Variants in ATP11C observed in about 807,000 individuals in gnomAD.
ATP11C encodes ATPase phospholipid transporting 11C (ATP11C blood group).
A neutral mutation model predicts 97.4 loss-of-function variants in ATP11C; 36 were observed. The ratio of observed to expected loss-of-function variants is 0.37; its 90% CI spans 0.28 to 0.49. The LOEUF (loss-of-function observed/expected upper bound fraction) is 0.49, where lower values mean the gene tolerates loss of function less well. ATP11C is among the 20% of genes least tolerant of loss of function. ATP11C has a pLI of 0.98. For missense variants in ATP11C, 730 were observed against 824.6 expected (o/e 0.89, Z 1.40); for synonymous variants, 275 against 290.9 (o/e 0.95, Z 0.56).
chrX:139,869,522 C>T (rs1375074159), intron 1 of ATP11C, among the ~76,000 whole-genome samples: 2 of 107,293 alleles, frequency 1.9e-5, no homozygotes, highest in Non-Finnish European at 3.8e-5. Flanking sequence ...CGGTGGCTCA[C>T]GCCTGTAATC....
chrX:139,846,459 T>G, intron 1 of ATP11C, among the ~76,000 whole-genome samples: 1 of 112,015 alleles, frequency 8.9e-6, no homozygotes, highest in East Asian at 2.8e-4. Flanking sequence ...TCCATAGCAT[T>G]AAGTATGCAA....
At chrX:139,914,172 A>G (rs2085120692) in intron 1 of ATP11C, among the ~76,000 whole-genome samples, 1 of 112,165 alleles carries the variant, frequency 8.9e-6, no homozygotes, top group Non-Finnish European at 1.9e-5. Context: ...CTGGAATTCC[A>G]TATTTCTGAA....
chrX:139,766,242 A>T (rs1389532801), intron 20 of ATP11C, among the ~76,000 whole-genome samples: 2 of 111,935 alleles, frequency 1.8e-5, no homozygotes, highest in African/African-American at 6.5e-5. Context: ...GACAGAAATA[A>T]AACAGAATGA....
chrX:139,926,838 G>A (rs1303763509), intron 1 of ATP11C, among the ~76,000 whole-genome samples: 1 of 112,471 alleles, frequency 8.9e-6, no homozygotes, highest in African/African-American at 3.2e-5. Flanking sequence ...TTTCACTTGT[G>A]TAAAGATTTA....
chrX:139,797,257 T>C lies in ATP11C; in HGVS notation c.927A>G (p.Leu309=), dbSNP rs770512005. The C allele has an allele frequency of 2.1e-4, 252 of 1,190,356 alleles. No individual in the cohort carries two copies. Among genetic ancestry groups the C allele is most frequent in the Non-Finnish European group, 2.8e-4 (243 of 879,420 alleles). The change falls in exon 11 of 30, where the codon CTA becomes CTG. Residue 309 remains leucine, a synonymous_variant. Transcript: ENST00000682941. ...ATGGGGTACTTTGCCAAACATACTT[T>C]AGAGTAGTGCATACTGCAGCTTTGG... ...LLTKAAVCTT[L]KYVWQSTPYN... is the part of the protein sequence containing the mutation.
At chrX:139,916,248 T>C (rs1258314894) in intron 1 of ATP11C, among the ~76,000 whole-genome samples, 2 of 103,885 alleles carry the variant, frequency 1.9e-5, no homozygotes, top group African/African-American at 6.9e-5. Context: ...AAAAAAAGAC[T>C]GGACATCACT....
intron 1 of ATP11C, among the ~76,000 whole-genome samples, chrX:139,829,084 TGG>T (rs2147888897): frequency 8.9e-6 from 1 of 112,033 alleles, no homozygotes; most frequent in South Asian, 3.7e-4. Context: ...TATGCAGGTT[TGG>T]GGTTTTGTGT....
chrX:139,867,360 G>C (rs187635250), intron 1 of ATP11C, among the ~76,000 whole-genome samples: 3 of 110,378 alleles, frequency 2.7e-5, no homozygotes, highest in Admixed American at 1.9e-4. Flanking sequence ...GGAAGTGTTG[G>C]GGGAGGTTGC....
At chrX:139,819,510 T>C (rs2083357868) in intron 2 of ATP11C, 83 bp from the exon 3 acceptor site, 1 of 375,927 alleles carries the variant, frequency 2.7e-6, no homozygotes. Flanking sequence ...TGGGTCCACA[T>C]TATCATATAA....
At chrX:139,823,775 G>A (rs1436075121) in intron 2 of ATP11C, among the ~76,000 whole-genome samples, 2 of 111,822 alleles carry the variant, frequency 1.8e-5, no homozygotes, top group South Asian at 3.7e-4. Flanking sequence ...AACTGATGAC[G>A]AAGACAAAAA....
chrX:139,877,356 G>A (rs2084490445), intron 1 of ATP11C, among the ~76,000 whole-genome samples: 1 of 112,355 alleles, frequency 8.9e-6, no homozygotes, highest in Non-Finnish European at 1.9e-5. Context: ...GACCTTGCCA[G>A]GCACAAAACA....
At chrX:139,859,822 C>T (rs1489534114) in intron 1 of ATP11C, among the ~76,000 whole-genome samples, 2 of 98,984 alleles carry the variant, frequency 2.0e-5, no homozygotes, top group Non-Finnish European at 3.8e-5. Flanking sequence ...AAGTGCTTGG[C>T]TGGGCGCGGT....
chrX:139,922,189 A>G (rs939426824), intron 1 of ATP11C, among the ~76,000 whole-genome samples: 10 of 94,777 alleles, frequency 1.1e-4, no homozygotes, highest in Non-Finnish European at 1.9e-4. Flanking sequence ...TGGGCAACAG[A>G]GCAAGACTGT....
At chrX:139,773,159 C>T (rs74719173) in intron 19 of ATP11C, among the ~76,000 whole-genome samples, 8 of 111,272 alleles carry the variant, frequency 7.2e-5, no homozygotes, top group Admixed American at 2.9e-4. Flanking sequence ...TTTCTGTTTT[C>T]GCTTCTTCCT....
intron 1 of ATP11C, among the ~76,000 whole-genome samples, chrX:139,868,086 C>G (rs774201452): frequency 8.9e-6 from 1 of 112,068 alleles, no homozygotes; most frequent in Admixed American, 9.5e-5. Flanking sequence ...TTTGGACACA[C>G]TGCATATCTA....
At chrX:139,838,965 AAAC>A (rs1416823467) in intron 1 of ATP11C, among the ~76,000 whole-genome samples, 17 of 111,419 alleles carry the variant, frequency 1.5e-4, no homozygotes, top group African/African-American at 5.2e-4. Flanking sequence ...AAAAAGGTGG[AAAC>A]AACCCAAATG....
chrX:139,782,205 T>C (rs1285350532), intron 18 of ATP11C, among the ~76,000 whole-genome samples: 1 of 108,938 alleles, frequency 9.2e-6, no homozygotes, highest in Non-Finnish European at 1.9e-5. Context: ...TGGGCACCTG[T>C]AGTCCCAGCT....
At chrX:139,833,793 A>G (rs1303208409) in intron 1 of ATP11C, among the ~76,000 whole-genome samples, 1 of 108,681 alleles carries the variant, frequency 9.2e-6, no homozygotes, top group Non-Finnish European at 1.9e-5. Context: ...TATTATTTAC[A>G]TTTTTTTTTT....
At chrX:139,907,763 G>C (rs1316252584) in intron 1 of ATP11C, among the ~76,000 whole-genome samples, 2 of 108,999 alleles carry the variant, frequency 1.8e-5, no homozygotes, top group African/African-American at 6.7e-5. Context: ...AAAAAGAAAA[G>C]AAAAAGAAAA....
Sources: allele counts gnomAD v4.1 joint callset (sites outside exome capture counted in the v4.1 genomes callset), GRCh38; gene constraint gnomAD v4.1.1; transcripts MANE v1.5; gene names NCBI Gene and HGNC (gene_info 2026-07-23, HGNC 2026-07-21).